SNX7: variants seen among roughly 807,000 people sequenced by gnomAD.
SNX7 encodes sorting nexin-7.
Under a neutral mutation model 48.4 loss-of-function variants are expected in SNX7, and 35 were observed. The observed-to-expected ratio is 0.72, with a 90% CI of 0.55 to 0.96. The LOEUF (loss-of-function observed/expected upper bound fraction) is 0.96, where lower values mean the gene tolerates loss of function less well. Among genes scored for constraint, SNX7 ranks in the 40% least tolerant of loss-of-function variants. The pLI is 0.00. For missense variants in SNX7, 553 were observed against 548.9 expected, an observed-to-expected ratio of 1.01 and a Z score of -0.07; for synonymous variants, 190 against 190.2, an observed-to-expected ratio of 1.00 and a Z score of 0.01.
chr1:98,662,722 T>C, intron 1 of SNX7: 2 of 1,289,414 alleles, frequency 1.6e-6, no homozygotes, highest in Non-Finnish European at 2.0e-6. Flanking sequence ...CTCCAGTTTC[T>C]CAAGTTGCTG....
At position 98,691,572 on chromosome 1, in the gene SNX7, A is replaced by G; in HGVS notation, c.512A>G (p.Glu171Gly). The G allele has an allele frequency of 6.2e-7, 1 of 1,602,930 alleles. No homozygotes were observed. The highest frequency in any genetic ancestry group is 8.5e-7 in the Non-Finnish European group (1 of 1,175,580). The change falls in exon 4 of 9, where the codon GAA becomes GGA. Residue 171 changes from glutamate (E) to glycine (G), a missense_variant. Physicochemically the swap from Glu to Gly is moderately conservative, Grantham distance 98. Transcript: ENST00000306121. ...AAGTTTATAGTAAAAGGAATGGTGG[A>G]ACGCTTTAACGATGACTTCATTGAG... ...PEKFIVKGMV[E>G]RFNDDFIETR...
chr1:98,710,900 G>A (rs1652265911), intron 7 of SNX7, among the ~76,000 whole-genome samples: 1 of 152,044 alleles, frequency 6.6e-6, no homozygotes, highest in Admixed American at 6.6e-5. Flanking sequence ...TTTTTTTGAA[G>A]ATGAATTAAC....
At chr1:98,680,620 T>G (rs1650436457) in intron 1 of SNX7, among the ~76,000 whole-genome samples, 1 of 152,158 alleles carries the variant, frequency 6.6e-6, no homozygotes, top group Non-Finnish European at 1.5e-5. Flanking sequence ...GCTCAGAAAT[T>G]TCATCCACTA....
chr1:98,748,253 T>C (rs1483111011), intron 8 of SNX7, among the ~76,000 whole-genome samples: 2 of 152,120 alleles, frequency 1.3e-5, no homozygotes, highest in East Asian at 3.9e-4. Context: ...CCCAGAGTGC[T>C]GGTATTATAG....
intron 8 of SNX7, among the ~76,000 whole-genome samples, chr1:98,759,674 A>C (rs190125512): frequency 1.6e-4 from 24 of 152,170 alleles, no homozygotes; most frequent in Admixed American, 9.2e-4. Context: ...AACTTTCTCA[A>C]ACTCACAATT....
At chr1:98,698,584 T>C in intron 5 of SNX7, 122 bp from the exon 6 acceptor site, 1 of 858,442 alleles carries the variant, frequency 1.2e-6, no homozygotes, top group Admixed American at 2.9e-5. Context: ...CGTTTTCTTA[T>C]GTTCTTGTGT....
chr1:98,696,903 G>A (rs1651487557), intron 5 of SNX7, among the ~76,000 whole-genome samples: 1 of 152,052 alleles, frequency 6.6e-6, no homozygotes, highest in Non-Finnish European at 1.5e-5. Flanking sequence ...GAGTAATTAA[G>A]ATGGTACCTG....
intron 7 of SNX7, among the ~76,000 whole-genome samples, chr1:98,726,144 G>A (rs1189175371): frequency 6.6e-6 from 1 of 152,182 alleles, no homozygotes. Context: ...ACCCTCTGAA[G>A]GAAATGACCT....
intron 7 of SNX7, among the ~76,000 whole-genome samples, chr1:98,733,452 A>G (rs1398040460): frequency 6.6e-6 from 1 of 151,934 alleles, no homozygotes; most frequent in Non-Finnish European, 1.5e-5. Context: ...AAGACGAACA[A>G]CCTGCAGGAG....
chr1:98,748,781 T>A (rs1212898683), intron 8 of SNX7, among the ~76,000 whole-genome samples: 2 of 152,126 alleles, frequency 1.3e-5, no homozygotes, highest in African/African-American at 4.8e-5. Context: ...ATGTCTTCTC[T>A]ATATACCCAG....
chr1:98,702,344 C>T (rs551814304), intron 7 of SNX7, among the ~76,000 whole-genome samples: 1 of 152,084 alleles, frequency 6.6e-6, no homozygotes, highest in African/African-American at 2.4e-5. Flanking sequence ...TTTGCGTTTG[C>T]AAGTTTAATC....
chr1:98,699,139 G>A (rs529202811), intron 6 of SNX7, among the ~76,000 whole-genome samples: 6 of 152,232 alleles, frequency 3.9e-5, no homozygotes, highest in South Asian at 2.1e-4. Flanking sequence ...CAGATTATAC[G>A]TAGACTTGAA....
In SNX7 at chr1:98,691,347, T is replaced by A. The variant is rs573161743; in HGVS notation, c.474+162T>A. On this transcript the variant is annotated intron_variant, in intron 3 of 8. Coordinates refer to ENST00000306121, the MANE Select transcript of SNX7 (RefSeq NM_015976.5). Reference sequence around the variant, plus strand: ...GTTTCAATCAATGTACATTTTTTTTTTAAAAAAAACTCTTCATAATGTGTT... The same window carrying A: ...GTTTCAATCAATGTACATTTTTTTTATAAAAAAAACTCTTCATAATGTGTT... Among the ~76,000 whole-genome samples the A allele has an allele frequency of 2.9e-4, 44 of 152,008 alleles. 1 individual carries two copies. Among genetic ancestry groups the A allele is most frequent in the South Asian group, 1.0e-3 (5 of 4,820 alleles).
At chr1:98,756,422 G>GTTTTTTTTT (rs35117249) in intron 8 of SNX7, among the ~76,000 whole-genome samples, 14 of 54,692 alleles carry the variant, frequency 2.6e-4, no homozygotes, top group Admixed American at 3.3e-4. Flanking sequence ...TGCCAGATGA[G>GTTTTTTTTT]TTTTTTTTTT....
At chr1:98,708,424 A>G (rs762524574) in intron 7 of SNX7, among the ~76,000 whole-genome samples, 5 of 152,212 alleles carry the variant, frequency 3.3e-5, no homozygotes, top group Non-Finnish European at 7.3e-5. Context: ...GAATGTGGCC[A>G]TCAGAATTTA....
At chr1:98,727,205 G>T (rs1161527704) in intron 7 of SNX7, among the ~76,000 whole-genome samples, 1 of 136,934 alleles carries the variant, frequency 7.3e-6, no homozygotes, top group Non-Finnish European at 1.7e-5. Context: ...GCGAGACTCT[G>T]TCTCAAATAA....
At position 98,728,712 on chromosome 1, in the gene SNX7, T is replaced by C. The variant is rs184288495; in HGVS notation, c.1126-9525T>C. Among the ~76,000 whole-genome samples, 365 of 152,232 alleles carry C rather than the reference T, an allele frequency of 2.4e-3. 2 individuals are homozygous for C. The highest frequency in any genetic ancestry group is 3.4e-3 in the Middle Eastern group (1 of 294). On this transcript the variant is annotated intron_variant, in intron 7 of 8. Transcript: ENST00000306121. ...CAAAAAAGACAAGGGTATTACATAATGGTAAAGGGTTCATTTCAGCAAGAA... is the reference window on the plus strand; with the variant it reads ...CAAAAAAGACAAGGGTATTACATAACGGTAAAGGGTTCATTTCAGCAAGAA...
intron 7 of SNX7, among the ~76,000 whole-genome samples, chr1:98,734,199 C>G (rs959272764): frequency 4.6e-5 from 7 of 152,138 alleles, no homozygotes; most frequent in Non-Finnish European, 1.0e-4. Flanking sequence ...CCCTACCCCA[C>G]AATCAGAATC....
chr1:98,677,749 G>T (rs1391585013), intron 1 of SNX7, among the ~76,000 whole-genome samples: 1 of 151,826 alleles, frequency 6.6e-6, no homozygotes, highest in Non-Finnish European at 1.5e-5. Context: ...GTGGTGGCAG[G>T]CACCTGTAAT....
Sources: allele counts gnomAD v4.1 joint callset (sites outside exome capture counted in the v4.1 genomes callset), GRCh38; gene constraint gnomAD v4.1.1; transcripts MANE v1.5; gene names NCBI Gene and HGNC (gene_info 2026-07-23, HGNC 2026-07-21).